Variants in DPP10 observed in about 807,000 individuals in gnomAD.
The protein encoded by DPP10 is inactive dipeptidyl peptidase 10.
A neutral mutation model predicts 120.9 loss-of-function variants in DPP10; 33 were observed. The observed-to-expected ratio is 0.27, with a 90% CI of 0.21 to 0.37. The LOEUF is 0.37. Among genes scored for constraint, DPP10 ranks in the 10% least tolerant of loss-of-function variants. The pLI, the probability that DPP10 is intolerant of heterozygous loss-of-function variation, is 1.00. For synonymous variants in DPP10, 337 were observed against 326.1 expected, an observed-to-expected ratio of 1.03 and a Z score of -0.36; for missense variants, 816 against 942.8, an observed-to-expected ratio of 0.87 and a Z score of 1.76.
intron 1 of DPP10, among the ~76,000 whole-genome samples, chr2:115,121,220 AT>A (rs2049807793): frequency 6.6e-6 from 1 of 152,208 alleles, no homozygotes; most frequent in Non-Finnish European, 1.5e-5. Context: ...GCTTTTAGAC[AT>A]TACCTGGTAC....
chr2:114,756,985 T>C (rs1319149553), intron 1 of DPP10, among the ~76,000 whole-genome samples: 1 of 151,730 alleles, frequency 6.6e-6, no homozygotes, highest in East Asian at 1.9e-4. Flanking sequence ...TGCATTAAAA[T>C]ACATAGCACC....
chr2:115,184,400 G>T (rs1324776435), intron 1 of DPP10, among the ~76,000 whole-genome samples: 1 of 152,182 alleles, frequency 6.6e-6, no homozygotes, highest in East Asian at 1.9e-4. Context: ...GTAAAGAAAA[G>T]TTGCGTGAAT....
At chr2:115,415,794 A>C (rs1012941522) in intron 3 of DPP10, among the ~76,000 whole-genome samples, 5 of 145,560 alleles carry the variant, frequency 3.4e-5, no homozygotes, top group African/African-American at 1.0e-4. Context: ...CAGTGGAAAA[A>C]TAAATCAGAT....
intron 3 of DPP10, among the ~76,000 whole-genome samples, chr2:115,450,347 A>T (rs1159540592): frequency 6.6e-6 from 1 of 152,008 alleles, no homozygotes; most frequent in African/African-American, 2.4e-5. Context: ...GTTTTATATC[A>T]TCGCACAGTG....
intron 1 of DPP10, among the ~76,000 whole-genome samples, chr2:115,160,799 A>G (rs185633747): frequency 7.9e-5 from 12 of 152,248 alleles, no homozygotes; most frequent in Non-Finnish European, 1.8e-4. Flanking sequence ...ATTTGTATCC[A>G]GGCTCCGGGC....
At chr2:114,560,871 C>T (rs986569924) in intron 1 of DPP10, among the ~76,000 whole-genome samples, 13 of 152,214 alleles carry the variant, frequency 8.5e-5, no homozygotes, top group African/African-American at 2.9e-4. Context: ...CACTATACTT[C>T]ATGTTGTCAT....
At chr2:115,131,980 C>T (rs1304612011) in intron 1 of DPP10, 1 of 151,912 alleles carries the variant, frequency 6.6e-6, no homozygotes, top group African/African-American at 2.4e-5. Context: ...ATCCCAGCTA[C>T]TCTGGAGGCT....
chr2:115,317,302 A>G (rs2061841710), intron 2 of DPP10, among the ~76,000 whole-genome samples: 1 of 152,184 alleles, frequency 6.6e-6, no homozygotes, highest in South Asian at 2.1e-4. Context: ...TGTGACCTTT[A>G]GTGTCTAACA....
intron 5 of DPP10, among the ~76,000 whole-genome samples, chr2:115,537,907 C>A (rs760561037): frequency 6.6e-6 from 1 of 151,852 alleles, no homozygotes; most frequent in Non-Finnish European, 1.5e-5. Context: ...AAGTTGATAC[C>A]AGTTGTTGAC....
chr2:114,844,278 C>A (rs1010699680), intron 1 of DPP10, among the ~76,000 whole-genome samples: 2 of 152,020 alleles, frequency 1.3e-5, no homozygotes, highest in African/African-American at 4.8e-5. Flanking sequence ...TCTGCTAATG[C>A]CCAAATAATA....
intron 1 of DPP10, among the ~76,000 whole-genome samples, chr2:114,808,046 C>G (rs911195702): frequency 1.3e-5 from 2 of 152,142 alleles, no homozygotes; most frequent in African/African-American, 4.8e-5. Flanking sequence ...CTCAATACTC[C>G]AAGAGAAAAC....
intron 1 of DPP10, among the ~76,000 whole-genome samples, chr2:115,110,546 A>G (rs1048549218): frequency 2.0e-5 from 3 of 152,084 alleles, no homozygotes; most frequent in Non-Finnish European, 2.9e-5. Flanking sequence ...TTTAAATATA[A>G]TGTATTTAAA....
At chr2:115,535,206 G>T (rs2078738532) in intron 5 of DPP10, among the ~76,000 whole-genome samples, 1 of 151,778 alleles carries the variant, frequency 6.6e-6, no homozygotes, top group African/African-American at 2.4e-5. Flanking sequence ...GTCCTGAATG[G>T]TATTGCCTAG....
At chr2:115,053,306 C>T (rs1006170859) in intron 1 of DPP10, among the ~76,000 whole-genome samples, 1 of 152,152 alleles carries the variant, frequency 6.6e-6, no homozygotes, top group African/African-American at 2.4e-5. Context: ...ACAGTACTAG[C>T]ACACGCTACA....
chr2:114,962,410 C>A (rs189689330), intron 1 of DPP10, among the ~76,000 whole-genome samples: 1 of 152,056 alleles, frequency 6.6e-6, no homozygotes, highest in African/African-American at 2.4e-5. Context: ...TCATGGGCAT[C>A]GGGCAAGGGA....
At chr2:115,466,260 A>G (rs2074319680) in intron 3 of DPP10, among the ~76,000 whole-genome samples, 1 of 152,178 alleles carries the variant, frequency 6.6e-6, no homozygotes, top group Non-Finnish European at 1.5e-5. Flanking sequence ...AACGTCTGAT[A>G]TGGGAATTAT....
chr2:114,467,337 G>A (rs1679486386), intron 1 of DPP10, among the ~76,000 whole-genome samples: 1 of 152,184 alleles, frequency 6.6e-6, no homozygotes, highest in African/African-American at 2.4e-5. Flanking sequence ...CGCTTAAGAA[G>A]ACAACCAGTT....
chr2:115,336,610 T>G (rs1479272472), intron 2 of DPP10, among the ~76,000 whole-genome samples: 1 of 151,074 alleles, frequency 6.6e-6, no homozygotes, highest in African/African-American at 2.4e-5. Context: ...TATATATATA[T>G]ATATAATTGT....
intron 3 of DPP10, among the ~76,000 whole-genome samples, chr2:115,472,725 A>T (rs190576848): frequency 6.6e-6 from 1 of 152,326 alleles, no homozygotes; most frequent in East Asian, 1.9e-4. Context: ...CTTTATTTCA[A>T]GTATATAGAC....
Sources: gnomAD v4.1 joint callset for allele counts (sites outside exome capture counted in the v4.1 genomes callset) on GRCh38, gnomAD v4.1.1 for gene constraint, MANE v1.5 for transcripts, NCBI Gene and HGNC (gene_info 2026-07-23, HGNC 2026-07-21) for gene names.